The following DPYD variants were observed in gnomAD, a reference collection of about 807,000 sequenced individuals.
The protein encoded by DPYD is dihydropyrimidine dehydrogenase, also known as dihydropyrimidine dehydrogenase [NADP(+)].
DPYD carries 109 observed loss-of-function variants against 116.2 expected under a neutral mutation model. The ratio of observed to expected loss-of-function variants is 0.94; its 90% CI spans 0.80 to 1.10. The LOEUF (loss-of-function observed/expected upper bound fraction) is 1.10, where lower values mean the gene tolerates loss of function less well. Among genes scored for constraint, DPYD ranks in the 50% least tolerant of loss-of-function variants. The pLI, the probability that DPYD is intolerant of heterozygous loss-of-function variation, is 0.00. For synonymous variants in DPYD, 440 were observed against 432.0 expected, an observed-to-expected ratio of 1.02 and a Z score of -0.23; for missense variants, 1,302 against 1,254.5, an observed-to-expected ratio of 1.04 and a Z score of -0.57.
chr1:97,120,351 T>G (rs150991004), intron 20 of DPYD, among the ~76,000 whole-genome samples: 1 of 152,290 alleles, frequency 6.6e-6, no homozygotes, highest in Non-Finnish European at 1.5e-5. Flanking sequence ...GATTATCAAT[T>G]TCCATTTCCT....
At chr1:97,637,935 C>T (rs1032647489) in intron 8 of DPYD, among the ~76,000 whole-genome samples, 5 of 152,024 alleles carry the variant, frequency 3.3e-5, no homozygotes, top group South Asian at 2.1e-4. Context: ...TTGAAGGGTG[C>T]GCTAAATGCA....
intron 16 of DPYD, among the ~76,000 whole-genome samples, chr1:97,341,652 C>A (rs1041930351): frequency 2.6e-5 from 4 of 152,152 alleles, no homozygotes; most frequent in African/African-American, 7.2e-5. Context: ...TATGTCAAAG[C>A]AGATAATCAC....
chr1:97,737,702 A>C (rs1664036800), intron 4 of DPYD, among the ~76,000 whole-genome samples: 1 of 152,060 alleles, frequency 6.6e-6, no homozygotes, highest in African/African-American at 2.4e-5. Context: ...AACAGCTGTA[A>C]TATGTGTGTG....
chr1:97,840,136 G>A (rs1043370889), intron 2 of DPYD, among the ~76,000 whole-genome samples: 7 of 151,972 alleles, frequency 4.6e-5, no homozygotes, highest in African/African-American at 1.7e-4. Context: ...CATAATGTTT[G>A]AGATAAAGCT....
At chr1:97,079,238 G>T in intron 22 of DPYD, 92 bp from the exon 23 acceptor site, 1 of 1,361,546 alleles carries the variant, frequency 7.3e-7, no homozygotes, top group Non-Finnish European at 1.0e-6. Flanking sequence ...TGCTGCAGAG[G>T]AGCCACACTA....
intron 20 of DPYD, among the ~76,000 whole-genome samples, chr1:97,192,608 A>C (rs1658451580): frequency 6.6e-6 from 1 of 152,230 alleles, no homozygotes; most frequent in Non-Finnish European, 1.5e-5. Context: ...TAACCGTTTG[A>C]GACCGGGTTT....
At chr1:97,477,209 T>C (rs953416498) in intron 13 of DPYD, among the ~76,000 whole-genome samples, 3 of 152,248 alleles carry the variant, frequency 2.0e-5, no homozygotes, top group African/African-American at 7.2e-5. Context: ...TCAGTCAATA[T>C]TGGAGTCAAC....
At chr1:97,218,586 C>T (rs1435875748) in intron 19 of DPYD, among the ~76,000 whole-genome samples, 1 of 150,266 alleles carries the variant, frequency 6.7e-6, no homozygotes, top group African/African-American at 2.5e-5. Flanking sequence ...CTAGATCAAA[C>T]CCAAAAAGTC....
At chr1:97,705,179 C>T (rs1239289032) in intron 5 of DPYD, among the ~76,000 whole-genome samples, 7 of 151,682 alleles carry the variant, frequency 4.6e-5, no homozygotes, top group African/African-American at 7.3e-5. Context: ...ATGTGCACAA[C>T]GTGCAGGTTT....
At chr1:97,642,592 C>G (rs1365877385) in intron 8 of DPYD, among the ~76,000 whole-genome samples, 3 of 151,764 alleles carry the variant, frequency 2.0e-5, no homozygotes, top group Non-Finnish European at 2.9e-5. Context: ...AAAATTAGCT[C>G]AAGATGGAAA....
chr1:97,759,349 C>T (rs1665447013), intron 3 of DPYD, among the ~76,000 whole-genome samples: 2 of 152,126 alleles, frequency 1.3e-5, no homozygotes, highest in South Asian at 2.1e-4. Flanking sequence ...CTTAAAATTG[C>T]TAAAACCTTG....
intron 14 of DPYD, among the ~76,000 whole-genome samples, chr1:97,384,695 T>C (rs745799395): frequency 6.9e-4 from 105 of 151,950 alleles, no homozygotes; most frequent in Non-Finnish European, 1.3e-3. Flanking sequence ...AATAATCAGA[T>C]ATTAAAATAC....
chr1:97,903,853 C>A (rs567981491), intron 1 of DPYD, among the ~76,000 whole-genome samples: 42 of 151,972 alleles, frequency 2.8e-4, no homozygotes, highest in Non-Finnish European at 4.9e-4. Context: ...AAAAATCTGA[C>A]GGCTGAATAA....
At position 97,778,114 on chromosome 1, in the gene DPYD, C is replaced by T. The variant is rs191048766; in HGVS notation, c.234-37635G>A. On this transcript the variant is annotated intron_variant, in intron 3 of 22. Transcript: ENST00000370192. ...CGGAGATTGCAGTGAGTCAAGGCTC[C>T]GCCACTGAACTCCAATCTGGGCAAC... Among the ~76,000 whole-genome samples, 298 of 142,678 alleles carry T rather than the reference C, an allele frequency of 2.1e-3. 1 individual carries two copies. Among genetic ancestry groups the T allele is most frequent in the African/African-American group, 6.6e-3 (254 of 38,418 alleles). The allele number at this position is 142,678 out of a possible 152,430, so 93.6% of individuals were successfully genotyped here.
At chr1:97,800,334 T>G (rs976919987) in intron 3 of DPYD, among the ~76,000 whole-genome samples, 2 of 151,906 alleles carry the variant, frequency 1.3e-5, no homozygotes, top group African/African-American at 2.4e-5. Flanking sequence ...AATAACTCTT[T>G]ATAAAGAGCC....
intron 8 of DPYD, among the ~76,000 whole-genome samples, chr1:97,617,291 C>T (rs534954934): frequency 1.7e-3 from 255 of 152,248 alleles, no homozygotes; most frequent in Non-Finnish European, 2.8e-3. Context: ...TACAAAAACA[C>T]TCAACTATCC....
chr1:97,861,700 G>C (rs957535573), intron 2 of DPYD, among the ~76,000 whole-genome samples: 1 of 151,884 alleles, frequency 6.6e-6, no homozygotes, highest in East Asian at 1.9e-4. Context: ...CTAGTAATTT[G>C]GGAAAAGTCA....
rs1487191472 is a variant in DPYD at position 97,597,830 on chromosome 1, T to TCTATCTACCCATCTGTCCATC, written c.851-2685_851-2665dup. ...GCCCAATTCCCTAAAATAAGTCATC[T>TCTATCTACCCATCTGTCCATC]CTATCTACCCATCTGTCCATCCTAC... On this transcript the variant is annotated intron_variant, in intron 8 of 22. Transcript: ENST00000370192. 2.2e-4 allele frequency among the ~76,000 whole-genome samples: 33 copies of TCTATCTACCCATCTGTCCATC among 152,168 alleles called. 1 individual carries two copies. The highest frequency in any genetic ancestry group is 8.0e-4 in the African/African-American group (33 of 41,436).
chr1:97,219,435 T>C (rs1660640880), intron 19 of DPYD, among the ~76,000 whole-genome samples: 1 of 152,190 alleles, frequency 6.6e-6, no homozygotes, highest in South Asian at 2.1e-4. Flanking sequence ...TATTTAATAA[T>C]GTTTTCCCTT....
Sources: allele counts gnomAD v4.1 joint callset (sites outside exome capture counted in the v4.1 genomes callset), GRCh38; gene constraint gnomAD v4.1.1; transcripts MANE v1.5; gene names NCBI Gene and HGNC (gene_info 2026-07-23, HGNC 2026-07-21).